The following ADAR variants were observed in gnomAD, a reference collection of about 807,000 sequenced individuals.
ADAR encodes the protein adenosine deaminase RNA specific, also known as double-stranded RNA-specific adenosine deaminase.
A neutral mutation model predicts 113.2 loss-of-function variants in ADAR; 41 were observed. The observed-to-expected ratio is 0.36, with a 90% confidence interval of 0.28 to 0.47. The LOEUF (loss-of-function observed/expected upper bound fraction) is 0.47, where lower values mean the gene tolerates loss of function less well. Among genes scored for constraint, ADAR ranks in the 20% least tolerant of loss-of-function variants. ADAR has a pLI of 1.00. For missense variants in ADAR, 1,242 were observed against 1,540.9 expected (o/e 0.81, Z 3.25); for synonymous variants, 605 against 572.6 (o/e 1.06, Z -0.81).
chr1:154,618,009 T>C (rs1185940334), intron 1 of ADAR, among the ~76,000 whole-genome samples: 1 of 151,116 alleles, frequency 6.6e-6, no homozygotes, highest in Admixed American at 6.6e-5. Flanking sequence ...AAGAGAAACA[T>C]ATAAAACACA....
At chr1:154,588,813 C>T (rs1696936180) in intron 9 of ADAR, 140 bp from the exon 10 acceptor site, 9 of 1,192,044 alleles carry the variant, frequency 7.6e-6, no homozygotes, top group Non-Finnish European at 1.1e-5. Flanking sequence ...TGGAAATTCT[C>T]CAGGGGAGAC....
intron 6 of ADAR, 42 bp from the exon 7 acceptor site, chr1:154,590,451 C>G (rs1221728760): frequency 5.0e-6 from 8 of 1,589,978 alleles, no homozygotes; most frequent in Non-Finnish European, 6.9e-6. Context: ...GTGCCAGACC[C>G]TGACATTGTT....
rs748381337 is a variant in ADAR, at chr1:154,585,818, C to T, written c.3250G>A (p.Val1084Met). 1.2e-6 allele frequency: 2 copies of T among 1,614,106 alleles called. No homozygotes were observed. Among genetic ancestry groups the T allele is most frequent in the South Asian group, 2.2e-5 (2 of 91,074 alleles). The change falls in exon 13 of 15, where the codon GTG (valine) becomes ATG (methionine). Residue 1084 changes from valine to methionine, a missense_variant. Val to Met is a conservative substitution (Grantham distance 21). Transcript: ENST00000368474. The part of the protein sequence containing the change: ...GHLTRAICCR[V>M]TRDGSAFEDG... ...TCAAATGCACTCCCATCTCTTGTCA[C>T]ACGACAGCAAATAGCACGGGTCAGA...
intron 1 of ADAR, among the ~76,000 whole-genome samples, chr1:154,616,132 A>C (rs1283680751): frequency 6.6e-6 from 1 of 152,214 alleles, no homozygotes. Flanking sequence ...AGCAATACAG[A>C]TAAGGTTCTC....
intron 6 of ADAR, 93 bp from the exon 7 acceptor site, chr1:154,590,502 G>T: frequency 8.2e-7 from 1 of 1,221,340 alleles, no homozygotes; most frequent in South Asian, 1.2e-5. Context: ...GGCCAGTCTT[G>T]CAAACATATG....
At position 154,601,888 on chromosome 1, in the gene ADAR, C is replaced by A. The variant is rs1354088100; in HGVS notation, c.754G>T (p.Ala252Ser). 4 of 1,614,162 alleles carry A rather than the reference C, an allele frequency of 2.5e-6. No individual in the cohort carries two copies. The South Asian group carries it at 4.4e-5, about 18-fold the overall frequency. Reference sequence around the variant, plus strand: ...ACCACTCCGCTGTGCTGGTTCCAAGCCTGAGCTGAGACTGCAATAAAAGGC... The same window carrying A: ...ACCACTCCGCTGTGCTGGTTCCAAGACTGAGCTGAGACTGCAATAAAAGGC... ...LEPFIAVSAQ[A>S]WNQHSGVVRP... The change falls in exon 2 of 15, where the codon GCT (alanine) becomes TCT (serine). Residue 252 changes from alanine (A) to serine (S), a missense_variant. Physicochemically the swap from Ala to Ser is moderately conservative, Grantham distance 99. Coordinates refer to ENST00000368474, the MANE Select transcript of ADAR (RefSeq NM_001111.5). The surrounding 1 kb of genome is among the most constrained non-coding windows in gnomAD (Gnocchi z 4.7).
chr1:154,610,366 C>T (rs951821195), upstream of ADAR, among the ~76,000 whole-genome samples: 1 of 152,044 alleles, frequency 6.6e-6, no homozygotes, highest in Admixed American at 6.6e-5. Flanking sequence ...GAATACAATA[C>T]AGCAACAAAA....
chr1:154,594,923 A>G (rs1206817798), intron 6 of ADAR, among the ~76,000 whole-genome samples: 1 of 152,262 alleles, frequency 6.6e-6, no homozygotes, highest in Non-Finnish European at 1.5e-5. Flanking sequence ...ATGCACAGCA[A>G]TTTCTAGAAG....
chr1:154,626,905 G>C (rs1363472844), intron 1 of ADAR, among the ~76,000 whole-genome samples: 1 of 152,184 alleles, frequency 6.6e-6, no homozygotes. Context: ...TGGGAACAAG[G>C]CTTCTCTGGT....
upstream of ADAR, among the ~76,000 whole-genome samples, chr1:154,610,678 C>A (rs192225271): frequency 6.3e-3 from 957 of 151,990 alleles, 1 homozygote; most frequent in Non-Finnish European, 7.8e-3. Flanking sequence ...GGCATGGTGG[C>A]GTGTGCCTGT....
chr1:154,590,346 C>T lies in ADAR; in HGVS notation c.2334G>A (p.Lys778=). ...CATCTGCTGCTTCCTGCTTGCCTTG[C>T]TTCTTGCTGTGTGCGCAGACGGCTG... The part of the protein sequence containing the change: ...WFPAVCAHSK[K]QGKQEAADAA... Residue 778 remains lysine, a synonymous_variant, in exon 7 of 15, where the codon AAG becomes AAA. Coordinates refer to ENST00000368474, the MANE Select transcript of ADAR (RefSeq NM_001111.5). 1 of 1,614,126 alleles carries T rather than the reference C, an allele frequency of 6.2e-7. No individual in the cohort carries two copies. Among genetic ancestry groups the T allele is most frequent in the East Asian group, 2.2e-5 (1 of 44,862 alleles).
Position 154,582,304 on chromosome 1 carries a change from A to T in ADAR, c.*2502T>A, listed in dbSNP as rs554898955. On this transcript the variant is annotated 3_prime_UTR_variant, in exon 15 of 15. Coordinates refer to ENST00000368474, the MANE Select transcript of ADAR (RefSeq NM_001111.5). ...AGCTTCAAGCACTGACAATTTTTAC[A>T]AGTGATTATTCAAGGAATGCACAGT... The T allele has an allele frequency of 2.6e-5, 4 of 152,442 alleles. No homozygotes were observed. The highest frequency in any genetic ancestry group is 9.6e-5 in the African/African-American group (4 of 41,568). The allele number at this position is 152,442 out of a possible 1,614,324, so 9.4% of individuals were successfully genotyped here. A position where few individuals can be genotyped will look rare whatever the true frequency, so the allele number is the denominator to read the frequency against.
intron 1 of ADAR, among the ~76,000 whole-genome samples, chr1:154,618,260 G>A (rs930077944): frequency 6.6e-6 from 1 of 152,042 alleles, no homozygotes; most frequent in South Asian, 2.1e-4. Flanking sequence ...GAGCTTACAT[G>A]TGGAAAATTA....
At chr1:154,586,047 C>G (rs1696736677) in intron 12 of ADAR, 134 bp downstream of exon 12, 2 of 1,288,498 alleles carry the variant, frequency 1.6e-6, no homozygotes, top group Admixed American at 1.8e-5. Context: ...AGACTGGACA[C>G]TCAATCAATT....
At chr1:154,606,186 C>G (rs1698179435) in intron 1 of ADAR, among the ~76,000 whole-genome samples, 1 of 152,054 alleles carries the variant, frequency 6.6e-6, no homozygotes, top group African/African-American at 2.4e-5. Flanking sequence ...GGATTACAGG[C>G]GCACGCCACC....
intron 6 of ADAR, among the ~76,000 whole-genome samples, chr1:154,592,261 A>G (rs1383407952): frequency 1.3e-5 from 2 of 152,116 alleles, no homozygotes; most frequent in East Asian, 3.9e-4. Flanking sequence ...CTCAGGCAGT[A>G]CTTCTTGGGG....
chr1:154,609,632 G>T (rs1337297118), upstream of ADAR, among the ~76,000 whole-genome samples: 2 of 152,212 alleles, frequency 1.3e-5, no homozygotes, highest in Admixed American at 1.3e-4. Flanking sequence ...AGGAGGGGGA[G>T]CAGGTGCTGT....
At chr1:154,589,967 A>T in intron 7 of ADAR, 39 bp from the exon 8 acceptor site, 1 of 1,612,020 alleles carries the variant, frequency 6.2e-7, no homozygotes, top group Non-Finnish European at 8.5e-7. Context: ...CACAAAGCTG[A>T]GGCTGTGTCC....
chr1:154,585,518 G>A (rs370084597), intron 13 of ADAR, 174 bp from the exon 14 acceptor site: 31 of 969,046 alleles, frequency 3.2e-5, no homozygotes, highest in South Asian at 1.3e-4. Context: ...ACTCCACCTC[G>A]ATTCAGATTA....
Sources: allele counts gnomAD v4.1 joint callset (sites outside exome capture counted in the v4.1 genomes callset), GRCh38; gene constraint gnomAD v4.1.1; non-coding constraint Gnocchi (gnomAD v3.1); transcripts MANE v1.5; gene names NCBI Gene and HGNC (gene_info 2026-07-23, HGNC 2026-07-21).